Variants in IL1RAPL2 observed in about 807,000 individuals in gnomAD.
IL1RAPL2 encodes the protein interleukin 1 receptor accessory protein like 2.
A neutral mutation model predicts 44.1 loss-of-function variants in IL1RAPL2; 3 were observed. That is an observed-to-expected ratio of 0.07 (90% CI 0.03 to 0.18). The LOEUF is 0.18. Among genes scored for constraint, IL1RAPL2 ranks in the 10% least tolerant of loss-of-function variants. The pLI, the probability that IL1RAPL2 is intolerant of heterozygous loss-of-function variation, is 1.00. For missense variants in IL1RAPL2, 391 were observed against 496.4 expected (o/e 0.79, Z 2.02); for synonymous variants, 181 against 178.8 (o/e 1.01, Z -0.10).
chrX:104,730,691 A>G (rs1402950952), intron 2 of IL1RAPL2, among the ~76,000 whole-genome samples: 1 of 107,479 alleles, frequency 9.3e-6, no homozygotes, highest in African/African-American at 3.4e-5. Context: ...ATACGTGTGC[A>G]TGTGTCTTTA....
At chrX:105,233,364 T>C (rs2034091075) in intron 3 of IL1RAPL2, among the ~76,000 whole-genome samples, 1 of 112,343 alleles carries the variant, frequency 8.9e-6, no homozygotes, top group Non-Finnish European at 1.9e-5. Context: ...GTTTTTAGTA[T>C]ATATTCTGTA....
At chrX:105,724,391 C>T (rs187257667) in intron 7 of IL1RAPL2, among the ~76,000 whole-genome samples, 1 of 110,343 alleles carries the variant, frequency 9.1e-6, no homozygotes, top group African/African-American at 3.3e-5. Context: ...TCAGTTTCAC[C>T]ACTGTGGTCC....
intron 2 of IL1RAPL2, among the ~76,000 whole-genome samples, chrX:104,961,046 G>A (rs2029995650): frequency 9.0e-6 from 1 of 111,674 alleles, no homozygotes; most frequent in Non-Finnish European, 1.9e-5. Context: ...ATGCTTGAAA[G>A]GGTGTTGCTC....
intron 2 of IL1RAPL2, among the ~76,000 whole-genome samples, chrX:104,872,126 G>A (rs1049708017): frequency 4.5e-5 from 5 of 111,866 alleles, no homozygotes; most frequent in African/African-American, 1.3e-4. Flanking sequence ...AACATGCATA[G>A]CCAAGCCTGA....
chrX:105,615,374 G>T (rs1383707595), intron 6 of IL1RAPL2, among the ~76,000 whole-genome samples: 2 of 111,815 alleles, frequency 1.8e-5, no homozygotes, highest in Non-Finnish European at 3.8e-5. Context: ...AGAGGTATCT[G>T]CACTCCCATG....
intron 2 of IL1RAPL2, among the ~76,000 whole-genome samples, chrX:104,853,901 T>TAAA (rs1922290971): frequency 4.8e-5 from 1 of 20,792 alleles, no homozygotes; most frequent in African/African-American, 1.9e-4. Flanking sequence ...AGACTCCGTC[T>TAAA]CAAAAAAAAA....
intron 2 of IL1RAPL2, among the ~76,000 whole-genome samples, chrX:104,961,021 C>T (rs2029995046): frequency 9.0e-6 from 1 of 111,200 alleles, no homozygotes; most frequent in African/African-American, 3.3e-5. Context: ...ATTTTGATTG[C>T]TTTGAATTTG....
chrX:105,340,953 G>A lies in IL1RAPL2; in HGVS notation c.697+73412G>A, dbSNP rs1010126498. 2.7e-5 allele frequency among the ~76,000 whole-genome samples: 3 copies of A among 111,746 alleles called. No homozygotes were observed. In the Admixed American group the frequency reaches 2.9e-4, roughly 11 times the overall value. On this transcript the variant is annotated intron_variant, in intron 5 of 10. Coordinates refer to ENST00000372582, the MANE Select transcript of IL1RAPL2 (RefSeq NM_017416.2). ...CTCAATAGTTCCTGCTTGGCATATA[G>A]TATGTATTCAATAAATTATTGTTGA...
chrX:104,784,952 CT>C (rs1410430725), intron 2 of IL1RAPL2, among the ~76,000 whole-genome samples: 1 of 110,931 alleles, frequency 9.0e-6, no homozygotes, highest in Non-Finnish European at 1.9e-5. Flanking sequence ...TATCAAGCAT[CT>C]TTTTTATGTC....
At chrX:105,391,274 C>A (rs1450214480) in intron 5 of IL1RAPL2, among the ~76,000 whole-genome samples, 1 of 111,598 alleles carries the variant, frequency 9.0e-6, no homozygotes, top group Non-Finnish European at 1.9e-5. Context: ...ATGTGCTGAT[C>A]TGTAAAACCA....
intron 5 of IL1RAPL2, among the ~76,000 whole-genome samples, chrX:105,447,075 TTATATATATATATA>T (rs1205983853): frequency 0.011 from 178 of 16,874 alleles, 14 homozygotes; most frequent in Non-Finnish European, 0.012. Flanking sequence ...CTGGTTAAAA[TTATATATATATATA>T]TATATATATA....
intron 2 of IL1RAPL2, among the ~76,000 whole-genome samples, chrX:104,813,113 C>T (rs1367875835): frequency 1.8e-5 from 2 of 112,039 alleles, no homozygotes; most frequent in Non-Finnish European, 3.8e-5. Flanking sequence ...TTGTAAGTGA[C>T]GTACTGATTC....
At chrX:104,793,490 C>T (rs1200642554) in intron 2 of IL1RAPL2, among the ~76,000 whole-genome samples, 1 of 111,932 alleles carries the variant, frequency 8.9e-6, no homozygotes, top group Non-Finnish European at 1.9e-5. Flanking sequence ...TCAAAGTATA[C>T]AAGCAATGTT....
intron 1 of IL1RAPL2, among the ~76,000 whole-genome samples, chrX:104,648,534 T>A (rs57543797): frequency 0.028 from 3,139 of 112,001 alleles, 123 homozygotes; most frequent in African/African-American, 0.096. Context: ...AACACTTTTA[T>A]TGATGGAAGA....
At chrX:105,217,297 A>C (rs1281466574) in intron 3 of IL1RAPL2, among the ~76,000 whole-genome samples, 35 of 112,018 alleles carry the variant, frequency 3.1e-4, no homozygotes, top group African/African-American at 1.1e-3. Context: ...GGTGAAGGAC[A>C]TGAACAGACA....
chrX:105,105,687 C>A (rs1333348936), intron 2 of IL1RAPL2, among the ~76,000 whole-genome samples: 1 of 112,394 alleles, frequency 8.9e-6, no homozygotes, highest in Non-Finnish European at 1.9e-5. Flanking sequence ...ACCACGTGAT[C>A]TCTTTTCTCA....
intron 1 of IL1RAPL2, among the ~76,000 whole-genome samples, chrX:104,613,645 C>T (rs1929210722): frequency 9.1e-6 from 1 of 110,126 alleles, no homozygotes; most frequent in Non-Finnish European, 1.9e-5. Context: ...GTTGTTGTGC[C>T]TTTGCCAGAT....
intron 6 of IL1RAPL2, among the ~76,000 whole-genome samples, chrX:105,618,465 G>C: frequency 9.0e-6 from 1 of 110,956 alleles, no homozygotes; most frequent in Admixed American, 9.6e-5. Flanking sequence ...TTTCAGTTAA[G>C]AAGTATGGTT....
intron 3 of IL1RAPL2, among the ~76,000 whole-genome samples, chrX:105,206,108 T>C (rs2033761739): frequency 9.0e-6 from 1 of 111,201 alleles, no homozygotes; most frequent in Non-Finnish European, 1.9e-5. Context: ...CATGGTGCTA[T>C]TAACTGAGAG....
Sources: gnomAD v4.1 joint callset for allele counts (sites outside exome capture counted in the v4.1 genomes callset) on GRCh38, gnomAD v4.1.1 for gene constraint, MANE v1.5 for transcripts, NCBI Gene and HGNC (gene_info 2026-07-23, HGNC 2026-07-21) for gene names.